Variants in LCTL observed in about 807,000 individuals in gnomAD.
The protein encoded by LCTL is lactase like.
LCTL carries 76 observed loss-of-function variants against 75.8 expected under a neutral mutation model. The observed-to-expected ratio is 1.00, with a 90% CI of 0.83 to 1.21. The LOEUF (loss-of-function observed/expected upper bound fraction) is 1.21, where lower values mean the gene tolerates loss of function less well. Among genes scored for constraint, LCTL ranks in the 50% most tolerant of loss-of-function variants. The probability of loss-of-function intolerance (pLI) is 0.00; values close to 1 mark genes in which losing one functional copy is unlikely to be tolerated. For missense variants in LCTL, 670 were observed against 712.4 expected (o/e 0.94, Z 0.68); for synonymous variants, 271 against 268.8 (o/e 1.01, Z -0.08).
chr15:66,554,947 G>A (rs1895705956), intron 8 of LCTL, among the ~76,000 whole-genome samples: 1 of 152,012 alleles, frequency 6.6e-6, no homozygotes, highest in Non-Finnish European at 1.5e-5. Context: ...CATATTTTTT[G>A]TACTTTAAAA....
Position 66,553,509 on chromosome 15 carries a change from A to C in LCTL, c.923-251T>G, listed in dbSNP as rs572151271. ...GGTGGCTCACGCCTATAATCCCAGC[A>C]CTTTGGGAGGCTGAGGCGGGCGGAT... On this transcript the variant is annotated intron_variant, in intron 8 of 12. Transcript: ENST00000341509. Among the ~76,000 whole-genome samples, 172 of 151,756 alleles carry C rather than the reference A, an allele frequency of 1.1e-3. 1 individual carries two copies. Among genetic ancestry groups the C allele is most frequent in the African/African-American group, 4.0e-3 (167 of 41,348 alleles).
intron 1 of LCTL, 49 bp downstream of exon 2, chr15:66,565,199 G>A: frequency 8.0e-7 from 1 of 1,249,372 alleles, no homozygotes; most frequent in Non-Finnish European, 1.2e-6. Flanking sequence ...GCCAAAGTGG[G>A]CAGGTGGACG....
intron 2 of LCTL, 148 bp from the exon 4 acceptor site, chr15:66,564,146 G>A: frequency 1.6e-6 from 1 of 634,330 alleles, no homozygotes. Flanking sequence ...CAACAGAGGT[G>A]ATGCCACCTG....
intron 9 of LCTL, 105 bp downstream of exon 10, chr15:66,552,879 G>A (rs1595932446): frequency 9.6e-7 from 1 of 1,042,544 alleles, no homozygotes; most frequent in East Asian, 2.8e-5. Context: ...GAGTAACTAG[G>A]TTTATTTTGT....
At position 66,553,206 on chromosome 15, in the gene LCTL, T is replaced by A. The variant is rs761407079; in HGVS notation, c.975A>T (p.Ser325=). 1.9e-6 allele frequency: 3 copies of A among 1,605,718 alleles called. No individual in the cohort carries two copies. The African/African-American group carries it at 4.0e-5, about 22-fold the overall frequency. The stretch of plus-strand genomic sequence containing the variant: ...CTTTAATGTAGCTCTTCTCCTGGAG[T>A]GAGAACACCGGTAACCTCGACATCT... The change falls in exon 9 of 13, where the codon TCA becomes TCT. Residue 325 remains serine (S), a synonymous_variant. Transcript: ENST00000341509.
At chr15:66,563,417 C>A in intron 4 of LCTL, 99 bp downstream of exon 5, 1 of 702,656 alleles carries the variant, frequency 1.4e-6, no homozygotes. Context: ...AATCCAGACC[C>A]TAGTCTCTGC....
At chr15:66,558,100 A>G in intron 6 of LCTL, 64 bp from the exon 8 acceptor site, 7 of 1,429,964 alleles carry the variant, frequency 4.9e-6, no homozygotes, top group Non-Finnish European at 6.7e-6. Flanking sequence ...TTTCAATCTG[A>G]GTGGCCTTTC....
intron 2 of LCTL, 166 bp from the exon 4 acceptor site, chr15:66,564,164 C>A (rs1429704832): frequency 9.8e-6 from 6 of 614,064 alleles, no homozygotes; most frequent in Non-Finnish European, 1.5e-5. Flanking sequence ...CTGCCCACTT[C>A]ATGCAGGGGA....
intron 4 of LCTL, among the ~76,000 whole-genome samples, chr15:66,562,992 A>G (rs529667426): frequency 6.6e-6 from 1 of 152,226 alleles, no homozygotes; most frequent in African/African-American, 2.4e-5. Context: ...ACACACATCA[A>G]TTAAAGCAGT....
rs561302833 is a variant in LCTL, at chr15:66,555,301, A to AT, written c.923-2044dup. Among the ~76,000 whole-genome samples, 623 of 147,224 alleles carry AT rather than the reference A, an allele frequency of 4.2e-3. 3 individuals are homozygous for AT. The highest frequency in any genetic ancestry group is 0.018 in the Middle Eastern group (5 of 280). On this transcript the variant is annotated intron_variant, in intron 8 of 12. Transcript: ENST00000341509. The stretch of plus-strand genomic sequence containing the variant: ...ATTGAATTTTTAATTTTAATTTTAA[A>AT]TTTTTTTTTTTTTGAGATGGAGTCT...
At chr15:66,554,158 G>A (rs992964851) in intron 8 of LCTL, among the ~76,000 whole-genome samples, 3 of 151,978 alleles carry the variant, frequency 2.0e-5, no homozygotes, top group Non-Finnish European at 4.4e-5. Context: ...AGGGGTGGTG[G>A]TGCGTGCCTG....
Position 66,564,664 on chromosome 15 carries a change from C to T in LCTL, c.282+12G>A. 6.2e-7 allele frequency: 1 copy of T among 1,610,336 alleles called. No individual in the cohort carries two copies. The highest frequency in any genetic ancestry group is 8.5e-7 in the Non-Finnish European group (1 of 1,179,718). On this transcript the variant is annotated intron_variant, in intron 2 of 12. Transcript: ENST00000341509. ...GCGCGCGCACACACACACACTCACACCCCGCACTCACCTGGACCTTGTAGT... is the reference window on the plus strand; with the variant it reads ...GCGCGCGCACACACACACACTCACATCCCGCACTCACCTGGACCTTGTAGT...
exon 8 of LCTL, chr15:66,557,853 C>G: frequency 6.2e-7 from 1 of 1,614,090 alleles, no homozygotes; most frequent in South Asian, 1.1e-5. Context: ...AGGTTCCCCC[C>G]AGTCACAGTT....
At chr15:66,557,591 T>C (rs2140843923) in intron 8 of LCTL, 131 bp downstream of exon 9, 1 of 838,328 alleles carries the variant, frequency 1.2e-6, no homozygotes, top group East Asian at 2.5e-5. Context: ...CTCAATTCTT[T>C]TGAGTCTGGA....
At chr15:66,564,904 GGCT>G in intron 1 of LCTL, 65 bp from the exon 3 acceptor site, 1 of 1,507,364 alleles carries the variant, frequency 6.6e-7, no homozygotes, top group Non-Finnish European at 9.0e-7. Context: ...CAGGACTCTG[GGCT>G]GTGCCTCCCA....
At chr15:66,551,615 A>G in intron 11 of LCTL, 47 bp downstream of exon 12, 1 of 1,476,358 alleles carries the variant, frequency 6.8e-7, no homozygotes. Flanking sequence ...CCAGCTATCT[A>G]GCTCTTCCTA....
At position 66,557,768 on chromosome 15, in the gene LCTL, G is replaced by T. The variant is rs780316006; in HGVS notation, c.876C>A (p.Asn292Lys). 6 of 1,614,012 alleles carry T rather than the reference G, an allele frequency of 3.7e-6. No homozygotes were observed. In the African/African-American group the frequency reaches 8.0e-5, roughly 22 times the overall value. Residue 292 changes from asparagine (N) to lysine (K), a missense_variant, in exon 8 of 13, where the codon AAC becomes AAA. Physicochemically the swap from Asn to Lys is moderately conservative, Grantham distance 94 (BLOSUM62 0). Transcript: ENST00000341509. The stretch of plus-strand genomic sequence containing the variant: ...GGGGGTAGTCACCGGCATAAATGGG[G>T]TTGGCAAACCAGCCCAGACAGAACT...
At chr15:66,562,412 A>C (rs1409440229) in intron 4 of LCTL, among the ~76,000 whole-genome samples, 1 of 151,978 alleles carries the variant, frequency 6.6e-6, no homozygotes, top group Non-Finnish European at 1.5e-5. Flanking sequence ...CAAAAAAAAA[A>C]AAAAACAAAA....
chr15:66,552,136 CCATCACATAT>C lies in LCTL; in HGVS notation c.1221_1230del (p.Ile407MetfsTer27). The C allele has an allele frequency of 6.2e-7, 1 of 1,613,460 alleles. No homozygotes were observed. The highest frequency in any genetic ancestry group is 8.5e-7 in the Non-Finnish European group (1 of 1,179,798). On this transcript the variant is annotated frameshift_variant, in exon 10 of 13. Coordinates refer to ENST00000341509, the Ensembl canonical transcript of LCTL. LOFTEE classifies it high-confidence loss of function. ...TGGAATTTTTGAGATGCTCCATTTT[CCATCACATAT>C]ATGGGAGGATCACCGTATTGAGTCT...
Sources: allele counts gnomAD v4.1 joint callset (sites outside exome capture counted in the v4.1 genomes callset), GRCh38; gene constraint gnomAD v4.1.1; transcripts MANE v1.5; gene names NCBI Gene and HGNC (gene_info 2026-07-23, HGNC 2026-07-21).